Variants in LPCAT1 observed in about 807,000 individuals in gnomAD.
The protein encoded by LPCAT1 is lysophosphatidylcholine acyltransferase 1, also known as 1-acylglycerol-3-phosphate O-acyltransferase.
In LPCAT1, 23 loss-of-function variants were observed where a neutral mutation model predicts 60.9. That is an observed-to-expected ratio of 0.38 (90% CI 0.27 to 0.53). The LOEUF is 0.53. Among genes scored for constraint, LPCAT1 ranks in the 20% least tolerant of loss-of-function variants. The pLI is 0.82. For missense variants in LPCAT1, 622 were observed against 723.6 expected (o/e 0.86, Z 1.61); for synonymous variants, 340 against 301.1 (o/e 1.13, Z -1.34).
In LPCAT1 at chr5:1,483,435, T is replaced by A; in HGVS notation, c.719A>T (p.Asn240Ile). Reference protein sequence around the residue: ...PVQPVVLRYPNKLDTITWTWQ... With the variant: ...PVQPVVLRYPIKLDTITWTWQ... ...CAAAAAAACACAACTCACCAGTTTA[T>A]TTGGATATCGTAAAACCACAGGCTG... Residue 240 changes from asparagine (N) to isoleucine (I), a missense_variant, in exon 6 of 14, where the codon AAT (asparagine) becomes ATT (isoleucine). By Grantham distance (149) the Asn-to-Ile change is moderately radical. Coordinates refer to ENST00000283415, the MANE Select transcript of LPCAT1 (RefSeq NM_024830.5). The surrounding 1 kb of genome is among the most constrained non-coding windows in gnomAD (Gnocchi z 9.2). 1 of 1,613,806 alleles carries A rather than the reference T, an allele frequency of 6.2e-7. No homozygotes were observed. Among genetic ancestry groups the A allele is most frequent in the Non-Finnish European group, 8.5e-7 (1 of 1,180,018 alleles).
At chr5:1,520,921 C>G (rs148924676) in intron 1 of LPCAT1, among the ~76,000 whole-genome samples, 299 of 147,502 alleles carry the variant, frequency 2.0e-3, no homozygotes, top group African/African-American at 6.1e-3. Context: ...GAAAACGCAT[C>G]AGAACCATAG....
chr5:1,510,397 C>G (rs554231689), intron 1 of LPCAT1, among the ~76,000 whole-genome samples: 1 of 152,250 alleles, frequency 6.6e-6, no homozygotes, highest in South Asian at 2.1e-4. Context: ...CCAGAACCCT[C>G]GGCACCATCA....
intron 1 of LPCAT1, among the ~76,000 whole-genome samples, chr5:1,514,694 G>A (rs1332657253): frequency 1.3e-5 from 2 of 152,350 alleles, no homozygotes; most frequent in East Asian, 3.9e-4. Flanking sequence ...AGGGGCTGTG[G>A]ACCATGCAGG....
At chr5:1,484,516 G>T (rs930371124) in intron 5 of LPCAT1, among the ~76,000 whole-genome samples, 1 of 152,218 alleles carries the variant, frequency 6.6e-6, no homozygotes, top group Admixed American at 6.5e-5. Flanking sequence ...CAGGCAGCGC[G>T]TTCCTCCCAG....
At chr5:1,512,517 T>C (rs965315431) in intron 1 of LPCAT1, among the ~76,000 whole-genome samples, 2 of 152,204 alleles carry the variant, frequency 1.3e-5, no homozygotes, top group African/African-American at 4.8e-5. Flanking sequence ...CTTGCTGAAG[T>C]GCCCACGGGG....
chr5:1,477,391 G>A lies in LPCAT1; in HGVS notation c.899+13C>T, dbSNP rs1183822792. ...CCCTGACTCGGCGATGGGGGAAGGA[G>A]CTGCTCACTTACTCGGCCATGACTC... On this transcript the variant is annotated intron_variant, in intron 9 of 13. Transcript: ENST00000283415. This position sits in a 1 kb window ranked among gnomAD's most constrained non-coding sequence, Gnocchi z 6.0. 1.2e-6 allele frequency: 2 copies of A among 1,612,092 alleles called. No homozygotes were observed. The highest frequency in any genetic ancestry group is 8.5e-7 in the Non-Finnish European group (1 of 1,178,452).
At position 1,495,325 on chromosome 5, in the gene LPCAT1, CA is replaced by C. The variant is rs1735746837; in HGVS notation, c.279-412del. Among the ~76,000 whole-genome samples the C allele has an allele frequency of 1.0e-5, 1 of 98,148 alleles. No homozygotes were observed. The highest frequency in any genetic ancestry group is 2.0e-5 in the Non-Finnish European group (1 of 49,862). 64.4% of individuals were successfully genotyped at this position (98,148 alleles called of 152,430 possible). A position where few individuals can be genotyped will look rare whatever the true frequency, so the allele number is the denominator to read the frequency against. ...ATTAAAACACCTAAAACGCATATCG[CA>C]ATATGGGGGGGGGGGCGCTCAGAGC... On this transcript the variant is annotated intron_variant, in intron 2 of 13. Coordinates refer to ENST00000283415, the MANE Select transcript of LPCAT1 (RefSeq NM_024830.5). This position sits in a 1 kb window ranked among gnomAD's most constrained non-coding sequence, Gnocchi z 4.7.
chr5:1,468,202 T>C (rs1242166577), intron 12 of LPCAT1, among the ~76,000 whole-genome samples: 1 of 152,088 alleles, frequency 6.6e-6, no homozygotes, highest in Non-Finnish European at 1.5e-5. Flanking sequence ...GGAGACCCCA[T>C]CCTCACCCTC....
intron 1 of LPCAT1, among the ~76,000 whole-genome samples, chr5:1,512,575 T>C (rs907961500): frequency 1.3e-5 from 2 of 152,240 alleles, no homozygotes; most frequent in Non-Finnish European, 2.9e-5. Flanking sequence ...TGCAGATTCC[T>C]GGACACCTTG....
At position 1,521,312 on chromosome 5, in the gene LPCAT1, G is replaced by A. The variant is rs1042659549; in HGVS notation, c.135+2398C>T. Reference sequence around the variant, plus strand: ...GAAGACACACAGCAGCCCCTCCCAGGCGGCAAATGCTCACAGGTAAATGCA... The same window carrying A: ...GAAGACACACAGCAGCCCCTCCCAGACGGCAAATGCTCACAGGTAAATGCA... On this transcript the variant is annotated intron_variant, in intron 1 of 13. Coordinates refer to ENST00000283415, the MANE Select transcript of LPCAT1 (RefSeq NM_024830.5). The surrounding 1 kb of genome is among the most constrained non-coding windows in gnomAD (Gnocchi z 4.3). 37 of 985,220 alleles carry A rather than the reference G, an allele frequency of 3.8e-5. No homozygotes were observed. The Admixed American group carries it at 6.1e-4, about 16-fold the overall frequency. The allele number at this position is 985,220 out of a possible 1,614,324, so 61.0% of individuals were successfully genotyped here.
At chr5:1,517,478 T>C (rs945821111) in intron 1 of LPCAT1, among the ~76,000 whole-genome samples, 4 of 152,144 alleles carry the variant, frequency 2.6e-5, no homozygotes, top group Admixed American at 2.6e-4. Flanking sequence ...GGGAGCCACG[T>C]TCTCCGCTGC....
At chr5:1,490,679 G>C (rs1187161855) in intron 3 of LPCAT1, among the ~76,000 whole-genome samples, 1 of 152,222 alleles carries the variant, frequency 6.6e-6, no homozygotes, top group Non-Finnish European at 1.5e-5. Context: ...GAAGTTGCGG[G>C]GTTGGGGTAC....
intron 1 of LPCAT1, among the ~76,000 whole-genome samples, chr5:1,505,586 C>G (rs984594739): frequency 9.9e-5 from 15 of 152,216 alleles, no homozygotes; most frequent in African/African-American, 3.6e-4. Flanking sequence ...GCTGCTGGTT[C>G]CTTAGCACAT....
chr5:1,477,299 C>G lies in LPCAT1; in HGVS notation c.899+105G>C, dbSNP rs2126512071. ...CATGAAGCTGGTTCCCGCACTTCTG[C>G]AAGAATGCCTTTTCCTAACGCTGTT... On this transcript the variant is annotated intron_variant, in intron 9 of 13. Transcript: ENST00000283415. This position sits in a 1 kb window ranked among gnomAD's most constrained non-coding sequence, Gnocchi z 6.0. The G allele has an allele frequency of 1.1e-6, 1 of 937,014 alleles. No homozygotes were observed. Among genetic ancestry groups the G allele is most frequent in the Non-Finnish European group, 1.7e-6 (1 of 603,466 alleles). 58.0% of individuals were successfully genotyped at this position (937,014 alleles called of 1,614,324 possible). A position where few individuals can be genotyped will look rare whatever the true frequency, so the allele number is the denominator to read the frequency against.
At position 1,473,968 on chromosome 5, in the gene LPCAT1, G is replaced by C; in HGVS notation, c.1168C>G (p.Leu390Val). 7 of 1,614,202 alleles carry C rather than the reference G, an allele frequency of 4.3e-6. No homozygotes were observed. The highest frequency in any genetic ancestry group is 5.1e-6 in the Non-Finnish European group (6 of 1,180,042). The change falls in exon 11 of 14, where the codon CTG (leucine) becomes GTG (valine). Residue 390 changes from leucine (L) to valine (V), a missense_variant. Physicochemically the swap from Leu to Val is conservative, Grantham distance 32. This residue lies in a region of LPCAT1 where 288 missense variants were observed against 283.6 expected (regional missense o/e 1.02). Coordinates refer to ENST00000283415, the MANE Select transcript of LPCAT1 (RefSeq NM_024830.5). ...VSDLLEDMFS[L>V]FDESGSGEVD... is the part of the protein sequence containing the mutation. ...GCGACAGGCCCTACCTCGTCGAACA[G>C]TGAAAACATGTCTTCCAGCAAGTCA...
In LPCAT1 at chr5:1,480,664, T is replaced by C. The variant is rs1735103214; in HGVS notation, c.761+278A>G. Reference sequence around the variant, plus strand: ...TTACCAGGGGCCACCAGGTGGACGATCGTAATTACTGAGCTGGCAAACTCG... The same window carrying C: ...TTACCAGGGGCCACCAGGTGGACGACCGTAATTACTGAGCTGGCAAACTCG... On this transcript the variant is annotated intron_variant, in intron 7 of 13. Transcript: ENST00000283415. This position sits in a 1 kb window ranked among gnomAD's most constrained non-coding sequence, Gnocchi z 6.4. Among the ~76,000 whole-genome samples the C allele has an allele frequency of 6.6e-6, 1 of 152,060 alleles. No individual in the cohort carries two copies. Among genetic ancestry groups the C allele is most frequent in the Non-Finnish European group, 1.5e-5 (1 of 68,000 alleles).
At chr5:1,472,186 CAGG>C (rs1463969510) in intron 11 of LPCAT1, among the ~76,000 whole-genome samples, 2 of 149,292 alleles carry the variant, frequency 1.3e-5, no homozygotes, top group African/African-American at 2.5e-5. Flanking sequence ...CTGGTCAGAG[CAGG>C]AGGAGGCGAG....
rs995845052 is a variant in LPCAT1, at chr5:1,491,933, C to T, written c.494-2075G>A. On this transcript the variant is annotated intron_variant, in intron 3 of 13. Transcript: ENST00000283415. The stretch of plus-strand genomic sequence containing the variant: ...AAGTTGTGAGCTGTCAAAGGGTCCA[C>T]GAAAGGAACCAGAAGTCACCACAAG... 5.3e-5 allele frequency among the ~76,000 whole-genome samples: 8 copies of T among 152,190 alleles called. No individual in the cohort carries two copies. In the East Asian group the frequency reaches 5.8e-4, roughly 11 times the overall value.
At position 1,487,514 on chromosome 5, in the gene LPCAT1, C is replaced by T. The variant is rs186200978; in HGVS notation, c.667+877G>A. Among the ~76,000 whole-genome samples the T allele has an allele frequency of 5.3e-5, 8 of 152,242 alleles. No individual in the cohort carries two copies. The East Asian group carries it at 9.7e-4, about 18-fold the overall frequency. Reference sequence around the variant, plus strand: ...AGCTGGAGGAGGATGGCCACAGGCTCGGAAACCCCGGCGGCACACGTAGGT... The same window carrying T: ...AGCTGGAGGAGGATGGCCACAGGCTTGGAAACCCCGGCGGCACACGTAGGT... On this transcript the variant is annotated intron_variant, in intron 5 of 13. Transcript: ENST00000283415. This position sits in a 1 kb window ranked among gnomAD's most constrained non-coding sequence, Gnocchi z 6.1.
Sources: gnomAD v4.1 joint callset for allele counts (sites outside exome capture counted in the v4.1 genomes callset) on GRCh38, gnomAD v4.1.1 for gene constraint, gnomAD v4.1.1 regional missense constraint, Gnocchi (gnomAD v3.1) non-coding constraint, MANE v1.5 for transcripts, NCBI Gene and HGNC (gene_info 2026-07-23, HGNC 2026-07-21) for gene names.